SSPN: variants seen among roughly 807,000 people sequenced by gnomAD.
The protein encoded by SSPN is K-ras oncogene-associated protein.
A neutral mutation model predicts 19.1 loss-of-function variants in SSPN; 15 were observed. The observed-to-expected ratio is 0.78, with a 90% CI of 0.52 to 1.21. The LOEUF (loss-of-function observed/expected upper bound fraction) is 1.21, where lower values mean the gene tolerates loss of function less well. Among genes scored for constraint, SSPN ranks in the 50% most tolerant of loss-of-function variants. The probability of loss-of-function intolerance (pLI) is 0.00; values close to 1 mark genes in which losing one functional copy is unlikely to be tolerated. For missense variants in SSPN, 291 were observed against 314.0 expected (o/e 0.93, Z 0.55); for synonymous variants, 147 against 140.3 (o/e 1.05, Z -0.34).
upstream of SSPN, among the ~76,000 whole-genome samples, chr12:26,191,398 T>A (rs4963652): frequency 0.99 from 150,461 of 152,278 alleles, 74,358 homozygotes; most frequent in Middle Eastern, 1. Context: ...AGCTGGGAGG[T>A]TTGTTTGAGC....
At chr12:26,183,876 T>C (rs1265197831) in intron 1 of SSPN, among the ~76,000 whole-genome samples, 3 of 152,158 alleles carry the variant, frequency 2.0e-5, no homozygotes, top group Non-Finnish European at 4.4e-5. Flanking sequence ...TCACCCCAAA[T>C]TGTACTGCAC....
At chr12:26,159,968 G>A (rs1362802499) in intron 1 of SSPN, among the ~76,000 whole-genome samples, 1 of 152,178 alleles carries the variant, frequency 6.6e-6, no homozygotes, top group Non-Finnish European at 1.5e-5. Context: ...CCATGAAGGG[G>A]ATTGGCTGTG....
intron 1 of SSPN, among the ~76,000 whole-genome samples, chr12:26,154,416 A>G (rs1944544278): frequency 6.6e-6 from 1 of 152,190 alleles, no homozygotes; most frequent in Admixed American, 6.5e-5. Flanking sequence ...GCATTAGAGT[A>G]TGACACCTGA....
intron 2 of SSPN, 46 bp from the exon 3 acceptor site, chr12:26,230,665 C>G (rs1220736619): frequency 6.5e-7 from 1 of 1,548,136 alleles, no homozygotes; most frequent in African/African-American, 1.4e-5. Context: ...AAATCATCAT[C>G]CAATGTTCTT....
chr12:26,178,302 T>C (rs1253332722), intron 1 of SSPN, among the ~76,000 whole-genome samples: 1 of 152,142 alleles, frequency 6.6e-6, no homozygotes, highest in Non-Finnish European at 1.5e-5. Flanking sequence ...TGAATGGAGA[T>C]TATAATAGTA....
At chr12:26,122,862 A>G in intron 1 of SSPN, 1 of 1,565,622 alleles carries the variant, frequency 6.4e-7, no homozygotes, top group South Asian at 1.2e-5. Flanking sequence ...GATGACGGGC[A>G]CGCAGTAGGC....
rs983390022 is a variant in SSPN, at chr12:26,228,708, G to A, written c.367-2003G>A. ...TCAAGACAGTTTAATTTGGCTCTTG[G>A]CACCAAGAGTTTGAAGTCAGTAATC... is the stretch of plus-strand genomic sequence containing the variant. On this transcript the variant is annotated intron_variant, in intron 2 of 2. Transcript: ENST00000242729. Among the ~76,000 whole-genome samples the A allele has an allele frequency of 3.3e-5, 5 of 152,064 alleles. No individual in the cohort carries two copies. The East Asian group carries it at 5.8e-4, about 18-fold the overall frequency.
At chr12:26,134,158 C>T (rs1944412551) in intron 1 of SSPN, among the ~76,000 whole-genome samples, 3 of 152,198 alleles carry the variant, frequency 2.0e-5, no homozygotes, top group Admixed American at 6.5e-5. Context: ...TTCTAGAATC[C>T]AGCATACCAG....
chr12:26,170,790 C>G (rs553311927), intron 1 of SSPN, among the ~76,000 whole-genome samples: 1 of 152,178 alleles, frequency 6.6e-6, no homozygotes, highest in South Asian at 2.1e-4. Flanking sequence ...CCATCCATAA[C>G]CCTGCTTAGC....
Position 26,234,222 on chromosome 12 carries a change from G to C in SSPN, c.*3146G>C, listed in dbSNP as rs1004656154. 1 of 152,024 alleles carries C rather than the reference G, an allele frequency of 6.6e-6. No individual in the cohort carries two copies. Among genetic ancestry groups the C allele is most frequent in the Non-Finnish European group, 1.5e-5 (1 of 68,004 alleles). 9.4% of individuals were successfully genotyped at this position (152,024 alleles called of 1,614,324 possible). On this transcript the variant is annotated 3_prime_UTR_variant, in exon 3 of 3. Coordinates refer to ENST00000242729, the MANE Select transcript of SSPN (RefSeq NM_005086.5). ...ATATGTTTATAAAATTTTAGCAAGG[G>C]GTGAGATCAAGGGACAAAGGTAGAG... is the stretch of plus-strand genomic sequence containing the variant.
chr12:26,123,251 A>C, intron 1 of SSPN: 1 of 1,466,106 alleles, frequency 6.8e-7, no homozygotes, highest in South Asian at 1.4e-5. Flanking sequence ...TCTGCTTATC[A>C]CGTGGGCCCT....
intron 1 of SSPN, among the ~76,000 whole-genome samples, chr12:26,221,718 G>A (rs1945123731): frequency 6.6e-6 from 1 of 152,138 alleles, no homozygotes; most frequent in Admixed American, 6.5e-5. Context: ...GGAAAGTCTT[G>A]GTAATTGCCA....
intron 1 of SSPN, among the ~76,000 whole-genome samples, chr12:26,165,138 T>C (rs938031085): frequency 3.3e-5 from 5 of 152,210 alleles, no homozygotes; most frequent in Admixed American, 2.6e-4. Context: ...AACTTCTAGA[T>C]GGAATAAGAA....
At chr12:26,163,039 GTGTGTGTGTGTGTGTGTGTGTA>G (rs1357071105) in intron 1 of SSPN, among the ~76,000 whole-genome samples, 1,431 of 132,706 alleles carry the variant, frequency 0.011, 23 homozygotes, top group African/African-American at 0.055. Flanking sequence ...AGACGTGTGT[GTGTGTGTGTGTGTGTGTGTGTA>G]TGTGTGTGTG....
intron 1 of SSPN, among the ~76,000 whole-genome samples, chr12:26,201,031 ATATATATATATATATT>A (rs1944877034): frequency 1.7e-5 from 1 of 60,512 alleles, no homozygotes; most frequent in African/African-American, 6.9e-5. Context: ...ATATATATAT[ATATATATATATATATT>A]ATATATATAT....
At chr12:26,206,743 C>T (rs1407800259) in intron 1 of SSPN, among the ~76,000 whole-genome samples, 1 of 152,218 alleles carries the variant, frequency 6.6e-6, no homozygotes, top group East Asian at 1.9e-4. Flanking sequence ...TGTAACAATT[C>T]TGCCCCTCCT....
intron 1 of SSPN, among the ~76,000 whole-genome samples, chr12:26,171,115 T>C (rs1197120319): frequency 6.6e-6 from 1 of 152,188 alleles, no homozygotes; most frequent in Non-Finnish European, 1.5e-5. Flanking sequence ...GGGATGATGC[T>C]GTGGGCTCTC....
rs114608992 is a variant in SSPN, at chr12:26,222,877, C to T, written c.280-1416C>T. 2.3e-3 allele frequency among the ~76,000 whole-genome samples: 343 copies of T among 152,340 alleles called. 1 individual carries two copies. The highest frequency in any genetic ancestry group is 8.0e-3 in the African/African-American group (334 of 41,584). On this transcript the variant is annotated intron_variant, in intron 1 of 2. Transcript: ENST00000242729. ...CTGATACACCAAAGCTTGGAGGTCA[C>T]TTCTGGTTTCTCCCTCTCCAGGTCC...
At chr12:26,127,454 C>T (rs1260580896) in intron 1 of SSPN, among the ~76,000 whole-genome samples, 2 of 152,208 alleles carry the variant, frequency 1.3e-5, no homozygotes, top group Admixed American at 6.5e-5. Flanking sequence ...TCTCTCCCCC[C>T]ATCCTTTCTG....
Sources: allele counts gnomAD v4.1 joint callset (sites outside exome capture counted in the v4.1 genomes callset), GRCh38; gene constraint gnomAD v4.1.1; transcripts MANE v1.5; gene names NCBI Gene and HGNC (gene_info 2026-07-23, HGNC 2026-07-21).